Variants in MAP3K5 observed in about 807,000 individuals in gnomAD.
MAP3K5 encodes the protein mitogen-activated protein kinase kinase kinase 5.
In MAP3K5, 56 loss-of-function variants were observed where a neutral mutation model predicts 158.7. That is an observed-to-expected ratio of 0.35 (90% confidence interval 0.28 to 0.44). MAP3K5 has a LOEUF of 0.44. MAP3K5 is among the 20% of genes least tolerant of loss of function. The pLI, the probability that MAP3K5 is intolerant of heterozygous loss-of-function variation, is 1.00. For missense variants in MAP3K5, 1,294 were observed against 1,674.8 expected (o/e 0.77, Z 3.97); for synonymous variants, 579 against 601.7 (o/e 0.96, Z 0.55).
At chr6:136,786,253 AC>A (rs1784839334) in intron 1 of MAP3K5, among the ~76,000 whole-genome samples, 2 of 151,810 alleles carry the variant, frequency 1.3e-5, no homozygotes, top group South Asian at 4.2e-4. Context: ...GTGGCACATG[AC>A]TGTAATCCCA....
intron 7 of MAP3K5, among the ~76,000 whole-genome samples, chr6:136,670,094 G>A (rs1779418284): frequency 6.6e-6 from 1 of 152,214 alleles, no homozygotes; most frequent in East Asian, 1.9e-4. Flanking sequence ...AAGAAAAGCA[G>A]AGATGTAGAG....
At chr6:136,635,501 A>G (rs1172678380) in intron 14 of MAP3K5, among the ~76,000 whole-genome samples, 1 of 152,198 alleles carries the variant, frequency 6.6e-6, no homozygotes, top group East Asian at 1.9e-4. Flanking sequence ...ATCTTTTTAC[A>G]TCTTTAATGA....
intron 2 of MAP3K5, among the ~76,000 whole-genome samples, chr6:136,705,397 T>C (rs1359094012): frequency 1.3e-5 from 2 of 152,136 alleles, no homozygotes; most frequent in Non-Finnish European, 2.9e-5. Flanking sequence ...TGGGCTCAAG[T>C]GATCCTCCCA....
intron 15 of MAP3K5, among the ~76,000 whole-genome samples, chr6:136,620,852 T>C (rs1192383620): frequency 1.3e-5 from 2 of 152,180 alleles, no homozygotes; most frequent in Non-Finnish European, 2.9e-5. Flanking sequence ...AATTATTAGT[T>C]GGAGAAATAA....
chr6:136,578,352 T>C (rs753427338), intron 25 of MAP3K5, among the ~76,000 whole-genome samples: 11 of 152,234 alleles, frequency 7.2e-5, no homozygotes, highest in African/African-American at 2.2e-4. Flanking sequence ...CATTTACTTA[T>C]TGTTTCAACC....
At chr6:136,562,419 A>G (rs565919760) in intron 27 of MAP3K5, 84 bp downstream of exon 27, 1 of 607,898 alleles carries the variant, frequency 1.6e-6, no homozygotes, top group South Asian at 3.1e-5. Flanking sequence ...TGACTTAGCC[A>G]CAAATAAAAC....
At chr6:136,712,749 G>A (rs2014570) in intron 2 of MAP3K5, among the ~76,000 whole-genome samples, 64,356 of 151,580 alleles carry the variant, frequency 0.42, 14,753 homozygotes, top group Non-Finnish European at 0.51. Context: ...GGGACCTGGT[G>A]GGAGATAACT....
chr6:136,763,602 C>T (rs1423927855), intron 1 of MAP3K5, among the ~76,000 whole-genome samples: 1 of 152,138 alleles, frequency 6.6e-6, no homozygotes, highest in Non-Finnish European at 1.5e-5. Flanking sequence ...TTTTGAATTT[C>T]AATTGCTACT....
intron 21 of MAP3K5, among the ~76,000 whole-genome samples, chr6:136,598,951 A>C (rs746500074): frequency 5.9e-5 from 9 of 152,148 alleles, no homozygotes; most frequent in Non-Finnish European, 1.2e-4. Flanking sequence ...GTGGTAGATC[A>C]CTTGAGGCCA....
intron 14 of MAP3K5, among the ~76,000 whole-genome samples, chr6:136,630,839 A>T (rs1777314556): frequency 6.6e-6 from 1 of 152,226 alleles, no homozygotes; most frequent in Admixed American, 6.5e-5. Flanking sequence ...GACTACATGA[A>T]TAAATTTTGG....
In MAP3K5 at chr6:136,592,186, T is replaced by G; in HGVS notation, c.3212A>C (p.Glu1071Ala). 6.3e-7 allele frequency: 1 copy of G among 1,590,322 alleles called. No individual in the cohort carries two copies. The highest frequency in any genetic ancestry group is 8.5e-7 in the Non-Finnish European group (1 of 1,169,934). Residue 1071 changes from glutamate (E) to alanine (A), a missense_variant, in exon 23 of 30, where the codon GAA becomes GCA. Around this residue, in one of 5 missense-constraint regions of MAP3K5, gnomAD observed 362 missense variants for 463.2 expected, o/e 0.78. Coordinates refer to ENST00000359015, the MANE Select transcript of MAP3K5 (RefSeq NM_005923.4). The part of the protein sequence containing the change: ...DQDKIVRNLM[E>A]SLAQGAEEPK... ...GAGAGGATTTACCTGAGCTAAAGAT[T>G]CCATTAGGTTTCTCACAATTTTGTC...
At chr6:136,789,769 A>T (rs1582709852) in intron 1 of MAP3K5, among the ~76,000 whole-genome samples, 1 of 142,314 alleles carries the variant, frequency 7.0e-6, no homozygotes, top group African/African-American at 2.7e-5. Context: ...GCTCACTGCA[A>T]CCTCTGCCTC....
At position 136,592,425 on chromosome 6, in the gene MAP3K5, T is replaced by C; in HGVS notation, c.3056+12A>G. 1 of 1,613,162 alleles carries C rather than the reference T, an allele frequency of 6.2e-7. No individual in the cohort carries two copies. Among genetic ancestry groups the C allele is most frequent in the Non-Finnish European group, 8.5e-7 (1 of 1,179,512 alleles). On this transcript the variant is annotated intron_variant, in intron 22 of 29. Coordinates refer to ENST00000359015, the MANE Select transcript of MAP3K5 (RefSeq NM_005923.4). ...ACACACTTCTCTCACCCCAAGTAAG[T>C]CAGGTCTTTACCCCAAAAAGAGTGT...
chr6:136,593,271 G>A (rs1263568099), intron 21 of MAP3K5, among the ~76,000 whole-genome samples: 1 of 152,222 alleles, frequency 6.6e-6, no homozygotes, highest in Admixed American at 6.5e-5. Context: ...GACATGAGCT[G>A]CTTCTTTATT....
intron 1 of MAP3K5, among the ~76,000 whole-genome samples, chr6:136,769,868 G>A (rs1304163793): frequency 8.4e-6 from 1 of 119,108 alleles, no homozygotes; most frequent in Non-Finnish European, 1.8e-5. Context: ...AAGGGGAAGT[G>A]GAAGTGGAGA....
At position 136,592,607 on chromosome 6, in the gene MAP3K5, G is replaced by C; in HGVS notation, c.2886C>G (p.Leu962=). 7 of 1,612,954 alleles carry C rather than the reference G, an allele frequency of 4.3e-6. No homozygotes were observed. Among genetic ancestry groups the C allele is most frequent in the Non-Finnish European group, 5.9e-6 (7 of 1,179,178 alleles). The change falls in exon 22 of 30, where the codon CTC becomes CTG. Residue 962 remains leucine, a synonymous_variant. Transcript: ENST00000359015. The part of the protein sequence containing the change: ...SALSAGSNEY[L]RSISLPVPVL... ...CAGGTACCGGCAAGGATATACTCCT[G>C]AGATATTCTGCTTGTGATGAGAGGA...
At chr6:136,633,152 A>T (rs974097378) in intron 14 of MAP3K5, among the ~76,000 whole-genome samples, 4 of 152,104 alleles carry the variant, frequency 2.6e-5, no homozygotes, top group African/African-American at 9.7e-5. Context: ...TAATCCCAGC[A>T]CTTTGGGAGG....
At chr6:136,764,134 A>C (rs1249201943) in intron 1 of MAP3K5, among the ~76,000 whole-genome samples, 1 of 152,186 alleles carries the variant, frequency 6.6e-6, no homozygotes, top group South Asian at 2.1e-4. Flanking sequence ...CACCCAGATG[A>C]CATATGCAAG....
intron 14 of MAP3K5, chr6:136,637,120 G>A (rs879218243): frequency 1.4e-6 from 2 of 1,404,122 alleles, no homozygotes; most frequent in South Asian, 3.2e-5. Context: ...AAATGCTAAC[G>A]CTTGGTGCTG....
Sources: allele counts gnomAD v4.1 joint callset (sites outside exome capture counted in the v4.1 genomes callset), GRCh38; gene constraint gnomAD v4.1.1; regional missense constraint gnomAD v4.1.1; transcripts MANE v1.5; gene names NCBI Gene and HGNC (gene_info 2026-07-23, HGNC 2026-07-21).